Variants in CDH13 observed in about 807,000 individuals in gnomAD.
CDH13 encodes the protein cadherin 13.
In CDH13, 24 loss-of-function variants were observed where a neutral mutation model predicts 63.8. The ratio of observed to expected loss-of-function variants is 0.38; its 90% CI spans 0.27 to 0.53. The LOEUF is 0.53. CDH13 is among the 20% of genes least tolerant of loss of function. CDH13 has a pLI of 0.85. For synonymous variants in CDH13, 503 were observed against 355.3 expected, an observed-to-expected ratio of 1.42 and a Z score of -4.67; for missense variants, 1,049 against 903.1, an observed-to-expected ratio of 1.16 and a Z score of -2.07.
At chr16:82,918,420 A>G (rs139298995) in intron 2 of CDH13, among the ~76,000 whole-genome samples, 53 of 151,854 alleles carry the variant, frequency 3.5e-4, no homozygotes, top group African/African-American at 1.1e-3. Context: ...CAGGGCCAGC[A>G]TGGTTTTTGT....
At chr16:82,717,305 T>G (rs4783258) in intron 1 of CDH13, among the ~76,000 whole-genome samples, 116,248 of 151,738 alleles carry the variant, frequency 0.77, 45,020 homozygotes, top group African/African-American at 0.88. Context: ...GTGTGGTGGT[T>G]CGCAGCTGTA....
intron 1 of CDH13, among the ~76,000 whole-genome samples, chr16:82,681,854 G>A (rs2150961775): frequency 6.6e-6 from 1 of 152,324 alleles, no homozygotes; most frequent in East Asian, 1.9e-4. Flanking sequence ...ACTCCAGGTG[G>A]GGTCCAGAGC....
At chr16:83,115,776 G>A (rs186399370) in intron 3 of CDH13, among the ~76,000 whole-genome samples, 4 of 152,326 alleles carry the variant, frequency 2.6e-5, no homozygotes, top group South Asian at 2.1e-4. Flanking sequence ...AAGTAGGAGA[G>A]GGAACAAAGA....
At position 83,260,450 on chromosome 16, in the gene CDH13, C is replaced by T. The variant is rs577724309; in HGVS notation, c.636+42953C>T. On this transcript the variant is annotated intron_variant, in intron 5 of 13. Transcript: ENST00000567109. Reference sequence around the variant, plus strand: ...TTTCTCCCCAGCACAGTCAGTTCTGCGTGGCGCAGCCATCCTACCAAGGGG... The same window carrying T: ...TTTCTCCCCAGCACAGTCAGTTCTGTGTGGCGCAGCCATCCTACCAAGGGG... Among the ~76,000 whole-genome samples the T allele has an allele frequency of 6.6e-5, 10 of 151,006 alleles. No homozygotes were observed. In the East Asian group the frequency reaches 1.5e-3, roughly 22 times the overall value.
chr16:83,624,948 G>T (rs1910149223), intron 8 of CDH13, among the ~76,000 whole-genome samples: 1 of 152,210 alleles, frequency 6.6e-6, no homozygotes, highest in African/African-American at 2.4e-5. Context: ...CACCAGCTTT[G>T]GGAGAGCTGA....
intron 1 of CDH13, among the ~76,000 whole-genome samples, chr16:82,728,180 A>G (rs189547647): frequency 6.7e-4 from 102 of 152,334 alleles, no homozygotes; most frequent in Non-Finnish European, 1.1e-3. Context: ...GTTCTCTGGC[A>G]TTAAAAACAT....
At chr16:82,814,466 C>T (rs2037603618) in intron 1 of CDH13, among the ~76,000 whole-genome samples, 2 of 152,076 alleles carry the variant, frequency 1.3e-5, no homozygotes, top group African/African-American at 2.4e-5. Context: ...GATACTCAAT[C>T]GTGCCTATGT....
In CDH13 at chr16:82,884,329, G is replaced by A. The variant is rs144042093; in HGVS notation, c.157+25856G>A. On this transcript the variant is annotated intron_variant, in intron 2 of 13. Transcript: ENST00000567109. ...GAGAAAAGGAGGCAACCTGGGGAGG[G>A]GGTGTTAGAAGAGAGCTTGGGATTC... is the stretch of plus-strand genomic sequence containing the variant. 909 of 409,944 alleles carry A rather than the reference G, an allele frequency of 2.2e-3. 9 individuals carry two copies. The highest frequency in any genetic ancestry group is 0.016 in the African/African-American group (778 of 47,914). 25.4% of individuals were successfully genotyped at this position (409,944 alleles called of 1,614,324 possible).
intron 7 of CDH13, among the ~76,000 whole-genome samples, chr16:83,513,200 C>T (rs963498533): frequency 6.6e-6 from 1 of 152,002 alleles, no homozygotes; most frequent in African/African-American, 2.4e-5. Context: ...TTCCAAGCTT[C>T]AAAGCATCAA....
At chr16:83,192,916 A>G (rs2038764738) in intron 4 of CDH13, among the ~76,000 whole-genome samples, 1 of 152,088 alleles carries the variant, frequency 6.6e-6, no homozygotes, top group South Asian at 2.1e-4. Context: ...ATGTGTCTTT[A>G]CCCCAAAAAC....
At chr16:83,273,810 G>C (rs144270596) in intron 5 of CDH13, among the ~76,000 whole-genome samples, 1 of 152,168 alleles carries the variant, frequency 6.6e-6, no homozygotes, top group Non-Finnish European at 1.5e-5. Flanking sequence ...GGTAAGTTTA[G>C]TTATCTCCAC....
chr16:83,562,818 G>A (rs2075731662), intron 7 of CDH13, among the ~76,000 whole-genome samples: 1 of 152,158 alleles, frequency 6.6e-6, no homozygotes, highest in Admixed American at 6.5e-5. Context: ...AACAAACTTG[G>A]TAAACATGCA....
At chr16:83,543,336 C>A (rs1231625205) in intron 7 of CDH13, among the ~76,000 whole-genome samples, 1 of 152,136 alleles carries the variant, frequency 6.6e-6, no homozygotes, top group Non-Finnish European at 1.5e-5. Flanking sequence ...GCTTTTATTC[C>A]ACCTTATGGA....
At chr16:82,948,175 C>T (rs1038292937) in intron 2 of CDH13, among the ~76,000 whole-genome samples, 21 of 152,070 alleles carry the variant, frequency 1.4e-4, no homozygotes, top group Admixed American at 6.6e-5. Context: ...CCAAAGCACC[C>T]GAGTAAGTTA....
chr16:83,527,479 G>C (rs1293408633), intron 7 of CDH13, among the ~76,000 whole-genome samples: 2 of 152,052 alleles, frequency 1.3e-5, no homozygotes, highest in Non-Finnish European at 1.5e-5. Context: ...TTAAGAATGG[G>C]AATTCAGATA....
chr16:82,772,451 G>A (rs2035308225), intron 1 of CDH13, among the ~76,000 whole-genome samples: 1 of 152,160 alleles, frequency 6.6e-6, no homozygotes, highest in African/African-American at 2.4e-5. Flanking sequence ...CTAGGCAGAG[G>A]TGTGTGAGAA....
chr16:83,478,201 T>G (rs1029224869), intron 6 of CDH13, among the ~76,000 whole-genome samples: 5 of 151,130 alleles, frequency 3.3e-5, no homozygotes, highest in African/African-American at 9.7e-5. Flanking sequence ...AGTCCAGACT[T>G]GTATTTCAGA....
chr16:82,882,712 C>T (rs901482770), intron 2 of CDH13, among the ~76,000 whole-genome samples: 35 of 151,874 alleles, frequency 2.3e-4, no homozygotes, highest in African/African-American at 2.4e-5. Flanking sequence ...AAAAACAAAC[C>T]TAACAGTATG....
At chr16:82,652,289 T>C (rs776472063) in intron 1 of CDH13, among the ~76,000 whole-genome samples, 1 of 152,200 alleles carries the variant, frequency 6.6e-6, no homozygotes, top group Non-Finnish European at 1.5e-5. Flanking sequence ...AAATAGCTGG[T>C]CCTTGGCAGT....
Sources: gnomAD v4.1 joint callset for allele counts (sites outside exome capture counted in the v4.1 genomes callset) on GRCh38, gnomAD v4.1.1 for gene constraint, MANE v1.5 for transcripts, NCBI Gene and HGNC (gene_info 2026-07-23, HGNC 2026-07-21) for gene names.